MICU1: variants seen among roughly 807,000 people sequenced by gnomAD.
MICU1 encodes the protein calcium uptake protein 1, mitochondrial.
Under a neutral mutation model 56.8 loss-of-function variants are expected in MICU1, and 45 were observed. The ratio of observed to expected loss-of-function variants is 0.79; its 90% CI spans 0.62 to 1.02. The LOEUF is 1.02. MICU1 is among the 50% of genes least tolerant of loss of function. MICU1 has a pLI of 0.00. For missense variants in MICU1, 504 were observed against 587.1 expected, an observed-to-expected ratio of 0.86 and a Z score of 1.46; for synonymous variants, 186 against 195.1, an observed-to-expected ratio of 0.95 and a Z score of 0.39.
rs756248095 is a variant in MICU1 at position 72,443,755 on chromosome 10, C to T, written c.934-20384G>A. On this transcript the variant is annotated intron_variant, in intron 8 of 11. Coordinates refer to ENST00000361114, the MANE Select transcript of MICU1 (RefSeq NM_001195518.2). ...TGGAGAGGATGTGGAGAAATAGGAA[C>T]ACTTTTACATTGTTGGTGGGACTGT... 2.9e-3 allele frequency among the ~76,000 whole-genome samples: 447 copies of T among 152,194 alleles called. 1 individual carries two copies. The highest frequency in any genetic ancestry group is 5.1e-3 in the Non-Finnish European group (347 of 68,016).
intron 6 of MICU1, among the ~76,000 whole-genome samples, chr10:72,507,899 T>G (rs1365812077): frequency 3.9e-5 from 6 of 152,210 alleles, no homozygotes; most frequent in African/African-American, 1.4e-4. Flanking sequence ...ATTACAAGTG[T>G]GAGCCACTGT....
At chr10:72,555,817 T>C (rs949111016) in intron 3 of MICU1, among the ~76,000 whole-genome samples, 20 of 152,308 alleles carry the variant, frequency 1.3e-4, no homozygotes, top group African/African-American at 4.3e-4. Context: ...TCTGTTTCAG[T>C]TGGGTTACAA....
intron 6 of MICU1, among the ~76,000 whole-genome samples, chr10:72,491,930 T>C (rs1866670217): frequency 6.6e-6 from 1 of 152,114 alleles, no homozygotes; most frequent in Admixed American, 6.5e-5. Context: ...GTGTTAAAAA[T>C]AGATATAAAA....
chr10:72,406,890 G>T (rs1051163538), intron 10 of MICU1, among the ~76,000 whole-genome samples: 1 of 152,146 alleles, frequency 6.6e-6, no homozygotes, highest in Non-Finnish European at 1.5e-5. Context: ...GCCTCCCAAA[G>T]TGTTCGGATT....
At chr10:72,518,569 T>G (rs201403549) in intron 5 of MICU1, among the ~76,000 whole-genome samples, 1 of 152,170 alleles carries the variant, frequency 6.6e-6, no homozygotes, top group Non-Finnish European at 1.5e-5. Flanking sequence ...TCAGTTCAGT[T>G]AAAAAAATTT....
At chr10:72,570,767 C>T (rs981756100) in intron 1 of MICU1, among the ~76,000 whole-genome samples, 3 of 152,118 alleles carry the variant, frequency 2.0e-5, no homozygotes, top group African/African-American at 7.2e-5. Flanking sequence ...ATATCCTTCC[C>T]CAATCCCAGA....
chr10:72,468,521 C>T (rs1299859730), intron 8 of MICU1, among the ~76,000 whole-genome samples: 2 of 151,642 alleles, frequency 1.3e-5, no homozygotes, highest in Non-Finnish European at 2.9e-5. Context: ...TTTTTAATAA[C>T]CTTAAAAGAG....
At chr10:72,582,594 C>T (rs904698859) in intron 1 of MICU1, among the ~76,000 whole-genome samples, 3 of 151,848 alleles carry the variant, frequency 2.0e-5, no homozygotes, top group African/African-American at 7.3e-5. Flanking sequence ...TTTGTCTCTA[C>T]AAAAAATTTA....
chr10:72,444,737 C>T (rs945812317), intron 8 of MICU1, among the ~76,000 whole-genome samples: 12 of 152,230 alleles, frequency 7.9e-5, no homozygotes, highest in African/African-American at 2.9e-4. Flanking sequence ...GCGTGAGCCA[C>T]CATGCCCAGC....
At chr10:72,617,820 A>G (rs1418831568) in intron 1 of MICU1, among the ~76,000 whole-genome samples, 1 of 152,134 alleles carries the variant, frequency 6.6e-6, no homozygotes, top group East Asian at 1.9e-4. Context: ...TGACAGCACG[A>G]GACCCCAACT....
intron 10 of MICU1, among the ~76,000 whole-genome samples, chr10:72,384,200 G>A (rs934886451): frequency 6.6e-6 from 1 of 152,010 alleles, no homozygotes; most frequent in Non-Finnish European, 1.5e-5. Flanking sequence ...TCACCATGTT[G>A]CCCAGGCTGG....
chr10:72,470,488 T>C (rs1299116565), intron 8 of MICU1, among the ~76,000 whole-genome samples: 1 of 152,116 alleles, frequency 6.6e-6, no homozygotes. Context: ...CAGGGGTCCT[T>C]TCATGGTGGA....
chr10:72,512,118 T>G lies in MICU1; in HGVS notation c.538-3849A>C, dbSNP rs868739389. Among the ~76,000 whole-genome samples the G allele has an allele frequency of 2.2e-4, 31 of 142,392 alleles. No homozygotes were observed. The South Asian group carries it at 5.3e-3, about 25-fold the overall frequency. The allele number at this position is 142,392 out of a possible 152,430, so 93.4% of individuals were successfully genotyped here. Reference sequence around the variant, plus strand: ...CACAGTTGTTTTTTGTTTTTTTTTTTTTTTTTTTTTTTGAGACGGAGTCTC... The same window carrying G: ...CACAGTTGTTTTTTGTTTTTTTTTTGTTTTTTTTTTTTGAGACGGAGTCTC... On this transcript the variant is annotated intron_variant, in intron 5 of 11. Transcript: ENST00000361114.
At chr10:72,523,713 G>A in intron 5 of MICU1, 1 of 869,730 alleles carries the variant, frequency 1.1e-6, no homozygotes, top group African/African-American at 1.7e-5. Flanking sequence ...CACCAGAAAT[G>A]TGAGAGTAAT....
At chr10:72,377,332 G>T (rs1862557511) in intron 10 of MICU1, among the ~76,000 whole-genome samples, 1 of 151,952 alleles carries the variant, frequency 6.6e-6, no homozygotes, top group African/African-American at 2.4e-5. Context: ...GTTGGCCAGG[G>T]TGGTCTTGAA....
chr10:72,404,174 C>CA (rs988153753), intron 10 of MICU1, among the ~76,000 whole-genome samples: 3 of 151,560 alleles, frequency 2.0e-5, no homozygotes, highest in African/African-American at 7.3e-5. Flanking sequence ...ATTTTTAGTA[C>CA]AAATGGAGTT....
intron 6 of MICU1, among the ~76,000 whole-genome samples, chr10:72,507,509 A>C (rs1867293143): frequency 6.6e-6 from 1 of 152,224 alleles, no homozygotes; most frequent in Admixed American, 6.5e-5. Flanking sequence ...TCTTTAGTGG[A>C]GGAAATGATA....
intron 8 of MICU1, among the ~76,000 whole-genome samples, chr10:72,452,905 G>A (rs912690017): frequency 6.6e-6 from 1 of 151,594 alleles, no homozygotes; most frequent in Non-Finnish European, 1.5e-5. Context: ...CCTAGTGACT[G>A]CTGAAAACCT....
intron 8 of MICU1, among the ~76,000 whole-genome samples, chr10:72,432,836 G>A (rs745545541): frequency 2.2e-4 from 33 of 152,280 alleles, no homozygotes; most frequent in Non-Finnish European, 3.8e-4. Flanking sequence ...TGTAGGGGAC[G>A]AATATCCAAA....
Sources: allele counts gnomAD v4.1 joint callset (sites outside exome capture counted in the v4.1 genomes callset), GRCh38; gene constraint gnomAD v4.1.1; transcripts MANE v1.5; gene names NCBI Gene and HGNC (gene_info 2026-07-23, HGNC 2026-07-21).